GFOD1: variants seen among roughly 807,000 people sequenced by gnomAD.
The protein encoded by GFOD1 is Gfo/Idh/MocA-like oxidoreductase domain containing 1, also known as glucose-fructose oxidoreductase domain-containing protein 1.
In GFOD1, 9 loss-of-function variants were observed where a neutral mutation model predicts 25.4. The ratio of observed to expected loss-of-function variants is 0.35; its 90% CI spans 0.21 to 0.62. The LOEUF (loss-of-function observed/expected upper bound fraction) is 0.62, where lower values mean the gene tolerates loss of function less well. Ranked by LOEUF, GFOD1 falls within the 20% of genes least tolerant of loss-of-function variation. The pLI, the probability that GFOD1 is intolerant of heterozygous loss-of-function variation, is 0.72. For synonymous variants in GFOD1, 253 were observed against 245.6 expected (o/e 1.03, Z -0.28); for missense variants, 403 against 556.9 (o/e 0.72, Z 2.78).
chr6:13,368,279 T>A (rs1785084679), intron 1 of GFOD1, among the ~76,000 whole-genome samples: 1 of 152,256 alleles, frequency 6.6e-6, no homozygotes. Context: ...CCTTTTCTTC[T>A]ATGTTGGCAG....
At chr6:13,480,412 C>T (rs1758722369) in intron 1 of GFOD1, among the ~76,000 whole-genome samples, 1 of 152,222 alleles carries the variant, frequency 6.6e-6, no homozygotes, top group Admixed American at 6.5e-5. Flanking sequence ...CTTCTGTTCC[C>T]AAAGGCAGAG....
chr6:13,478,725 G>A (rs1170834933), intron 1 of GFOD1, among the ~76,000 whole-genome samples: 1 of 152,216 alleles, frequency 6.6e-6, no homozygotes, highest in Non-Finnish European at 1.5e-5. Flanking sequence ...AGCTGCGTGT[G>A]GACAATCTTT....
chr6:13,397,365 G>A (rs890360063), intron 1 of GFOD1, among the ~76,000 whole-genome samples: 4 of 152,220 alleles, frequency 2.6e-5, no homozygotes, highest in South Asian at 2.1e-4. Context: ...AGCCACCCTC[G>A]AAATGAAAAG....
At chr6:13,458,014 A>C (rs1194339778) in intron 1 of GFOD1, among the ~76,000 whole-genome samples, 1 of 152,236 alleles carries the variant, frequency 6.6e-6, no homozygotes, top group Non-Finnish European at 1.5e-5. Context: ...GTTTGAACTA[A>C]TGACAATTAA....
chr6:13,481,243 G>C (rs9382135), intron 1 of GFOD1, among the ~76,000 whole-genome samples: 19,394 of 152,240 alleles, frequency 0.13, 1,487 homozygotes, highest in South Asian at 0.27. Context: ...ATCCAGAAAG[G>C]CCTCTCGCCC....
chr6:13,412,163 C>G (rs182175015), intron 1 of GFOD1, among the ~76,000 whole-genome samples: 19 of 152,264 alleles, frequency 1.2e-4, no homozygotes, highest in Middle Eastern at 6.8e-3. Context: ...CTCTAAAATT[C>G]ATATATTGAA....
intron 1 of GFOD1, among the ~76,000 whole-genome samples, chr6:13,370,259 C>A (rs969031102): frequency 3.9e-5 from 6 of 152,198 alleles, no homozygotes; most frequent in African/African-American, 9.7e-5. Flanking sequence ...ATGATTCTTA[C>A]TGAAAGCTGT....
At chr6:13,395,235 T>G (rs1785704487) in intron 1 of GFOD1, among the ~76,000 whole-genome samples, 1 of 152,190 alleles carries the variant, frequency 6.6e-6, no homozygotes, top group South Asian at 2.1e-4. Context: ...CCTCACAATG[T>G]CCCTTAGATG....
chr6:13,474,681 C>T (rs1183380475), intron 1 of GFOD1, among the ~76,000 whole-genome samples: 1 of 152,120 alleles, frequency 6.6e-6, no homozygotes. Context: ...TAACATAGTG[C>T]TACAGGGATT....
intron 1 of GFOD1, among the ~76,000 whole-genome samples, chr6:13,367,447 T>C (rs565872788): frequency 3.3e-5 from 5 of 152,228 alleles, no homozygotes; most frequent in African/African-American, 7.2e-5. Flanking sequence ...ATCTGAGGAG[T>C]TGGCAGTGCC....
At chr6:13,428,592 G>C (rs983035728) in intron 1 of GFOD1, among the ~76,000 whole-genome samples, 7 of 152,166 alleles carry the variant, frequency 4.6e-5, no homozygotes, top group African/African-American at 1.7e-4. Flanking sequence ...AATGGAAAAA[G>C]GCTCAGGGCT....
chr6:13,445,409 T>C (rs1213677593), intron 1 of GFOD1, among the ~76,000 whole-genome samples: 1 of 152,202 alleles, frequency 6.6e-6, no homozygotes, highest in Non-Finnish European at 1.5e-5. Context: ...GGGCCCTCAA[T>C]CTGAAGAGAC....
Position 13,364,941 on chromosome 6 carries a change from C to A in GFOD1, c.975G>T (p.Thr325=). 1 of 1,611,602 alleles carries A rather than the reference C, an allele frequency of 6.2e-7. No homozygotes were observed. The highest frequency in any genetic ancestry group is 8.5e-7 in the Non-Finnish European group (1 of 1,179,906). Reference sequence around the variant, plus strand: ...CCATGGTGAGGGGCCGCCCATCCCACGTGCGCCGGTCGTCCTGGTCCTGGA... The same window carrying A: ...CCATGGTGAGGGGCCGCCCATCCCAAGTGCGCCGGTCGTCCTGGTCCTGGA... ...QAFQDQDDRR[T]WDGRPLTMAA... Residue 325 remains threonine (T), a synonymous_variant, in exon 2 of 2, where the codon ACG becomes ACT. Transcript: ENST00000379287. The surrounding 1 kb of genome is among the most constrained non-coding windows in gnomAD (Gnocchi z 4.1).
chr6:13,416,282 T>G (rs1036430300), intron 1 of GFOD1, among the ~76,000 whole-genome samples: 2 of 152,162 alleles, frequency 1.3e-5, no homozygotes, highest in African/African-American at 4.8e-5. Flanking sequence ...TTGTCCAGTC[T>G]CAAGTATGCT....
At chr6:13,399,222 A>G (rs1477591009) in intron 1 of GFOD1, among the ~76,000 whole-genome samples, 3 of 152,100 alleles carry the variant, frequency 2.0e-5, no homozygotes, top group Admixed American at 2.0e-4. Flanking sequence ...CATGTTTCCC[A>G]GACTGGTCTC....
intron 1 of GFOD1, among the ~76,000 whole-genome samples, chr6:13,394,247 T>C (rs1258774612): frequency 1.3e-5 from 2 of 152,180 alleles, no homozygotes; most frequent in Non-Finnish European, 2.9e-5. Flanking sequence ...ATGTATTATA[T>C]GACAAGTTAG....
Position 13,413,586 on chromosome 6 carries a change from A to C in GFOD1, c.254-47924T>G, listed in dbSNP as rs141800058. On this transcript the variant is annotated intron_variant, in intron 1 of 1. Transcript: ENST00000379287. Reference sequence around the variant, plus strand: ...CTCTCCTTACCCAAGGTAAGCCAAGAGTGAGGCAGGCTGAAAAGAATGTAT... The same window carrying C: ...CTCTCCTTACCCAAGGTAAGCCAAGCGTGAGGCAGGCTGAAAAGAATGTAT... Among the ~76,000 whole-genome samples, 269 of 152,328 alleles carry C rather than the reference A, an allele frequency of 1.8e-3. 1 individual carries two copies. The highest frequency in any genetic ancestry group is 4.2e-3 in the Admixed American group (64 of 15,306).
chr6:13,391,427 G>A (rs994847200), intron 1 of GFOD1, among the ~76,000 whole-genome samples: 9 of 149,242 alleles, frequency 6.0e-5, no homozygotes, highest in Non-Finnish European at 1.0e-4. Context: ...GAACCTGGGA[G>A]GTGAAGGTTG....
In GFOD1 at chr6:13,361,659, G is replaced by C. The variant is rs1784948774; in HGVS notation, c.*3084C>G. On this transcript the variant is annotated 3_prime_UTR_variant, in exon 2 of 2. Coordinates refer to ENST00000379287, the MANE Select transcript of GFOD1 (RefSeq NM_018988.4). Reference sequence around the variant, plus strand: ...GCATGTGGTGGGATAAGGGCAAATGGAGCACTAAAGGAGTATCTCAAACCC... The same window carrying C: ...GCATGTGGTGGGATAAGGGCAAATGCAGCACTAAAGGAGTATCTCAAACCC... 6.6e-6 allele frequency: 1 copy of C among 152,146 alleles called. No individual in the cohort carries two copies. The highest frequency in any genetic ancestry group is 1.5e-5 in the Non-Finnish European group (1 of 68,038). The allele number at this position is 152,146 out of a possible 1,614,324, so 9.4% of individuals were successfully genotyped here.
Sources: gnomAD v4.1 joint callset for allele counts (sites outside exome capture counted in the v4.1 genomes callset) on GRCh38, gnomAD v4.1.1 for gene constraint, Gnocchi (gnomAD v3.1) non-coding constraint, MANE v1.5 for transcripts, NCBI Gene and HGNC (gene_info 2026-07-23, HGNC 2026-07-21) for gene names.